PRIM2: variants seen among roughly 807,000 people sequenced by gnomAD.
PRIM2 encodes DNA primase subunit 2.
PRIM2 carries 39 observed loss-of-function variants against 67.3 expected under a neutral mutation model. That is an observed-to-expected ratio of 0.58 (90% CI 0.45 to 0.76). PRIM2 has a LOEUF of 0.76. PRIM2 is among the 30% of genes least tolerant of loss of function. The pLI is 0.00. For synonymous variants in PRIM2, 143 were observed against 198.7 expected, an observed-to-expected ratio of 0.72 and a Z score of 2.36; for missense variants, 398 against 598.7, an observed-to-expected ratio of 0.66 and a Z score of 3.50.
At chr6:57,499,234 C>T (rs1554346622) in intron 7 of PRIM2, among the ~76,000 whole-genome samples, 2 of 152,236 alleles carry the variant, frequency 1.3e-5, no homozygotes, top group Non-Finnish European at 2.9e-5. Flanking sequence ...AAGAATGGCA[C>T]ATGCCCGACA....
chr6:57,324,499 A>G (rs1017028182), intron 4 of PRIM2, among the ~76,000 whole-genome samples: 8 of 152,314 alleles, frequency 5.3e-5, no homozygotes, highest in African/African-American at 1.9e-4. Flanking sequence ...CTGATGAAAC[A>G]CTTCTTAAGT....
chr6:57,280,730 A>C, the PRIM2 span, among the ~76,000 whole-genome samples: 1 of 152,036 alleles, frequency 6.6e-6, no homozygotes, highest in Non-Finnish European at 1.5e-5. Context: ...GCTGGTCTCG[A>C]ACTCCTGACC....
intron 5 of PRIM2, among the ~76,000 whole-genome samples, chr6:57,367,028 C>T (rs1769384170): frequency 6.6e-6 from 1 of 150,976 alleles, no homozygotes; most frequent in South Asian, 2.1e-4. Flanking sequence ...TACTATATTC[C>T]AAATGTGCCT....
At chr6:57,507,835 T>G (rs1278898482) in intron 8 of PRIM2, among the ~76,000 whole-genome samples, 1 of 136,730 alleles carries the variant, frequency 7.3e-6, no homozygotes, top group African/African-American at 2.7e-5. Flanking sequence ...AATAATATAG[T>G]CTCATTATTT....
chr6:57,579,691 T>C (rs1462872324), intron 10 of PRIM2, among the ~76,000 whole-genome samples: 2 of 152,322 alleles, frequency 1.3e-5, no homozygotes, highest in African/African-American at 4.8e-5. Flanking sequence ...AGGTATATTT[T>C]AATATGCTAT....
At chr6:57,238,956 C>T in the PRIM2 span, among the ~76,000 whole-genome samples, 14 of 152,170 alleles carry the variant, frequency 9.2e-5, no homozygotes, top group Non-Finnish European at 1.9e-4. Context: ...TCTCTATATC[C>T]CACAATGTAT....
chr6:57,589,676 G>A (rs1271108066), intron 10 of PRIM2, among the ~76,000 whole-genome samples: 1 of 152,148 alleles, frequency 6.6e-6, no homozygotes, highest in Non-Finnish European at 1.5e-5. Flanking sequence ...TTTTTAGATG[G>A]ACTAATTTAG....
intron 5 of PRIM2, among the ~76,000 whole-genome samples, chr6:57,340,772 G>C (rs369984792): frequency 6.6e-6 from 1 of 152,000 alleles, no homozygotes; most frequent in East Asian, 1.9e-4. Context: ...CGAGTTAGTG[G>C]GTGCAGCACA....
At chr6:57,365,023 C>T (rs1769312666) in intron 5 of PRIM2, among the ~76,000 whole-genome samples, 1 of 152,056 alleles carries the variant, frequency 6.6e-6, no homozygotes. Context: ...GCAAATTGTT[C>T]CCCTCTCCCC....
chr6:57,224,471 C>T, the PRIM2 span, among the ~76,000 whole-genome samples: 2 of 151,996 alleles, frequency 1.3e-5, no homozygotes, highest in East Asian at 1.9e-4. Context: ...TGTTTTATGT[C>T]TACAGTTCTA....
rs1345483507 is a variant in PRIM2 at position 57,603,018 on chromosome 6, A to AT, written c.1147+1800dup. Among the ~76,000 whole-genome samples, 254 of 152,262 alleles carry AT rather than the reference A, an allele frequency of 1.7e-3. 1 individual carries two copies. Among genetic ancestry groups the AT allele is most frequent in the Admixed American group, 3.2e-3 (49 of 15,296 alleles). ...GAACCTACATTGACAAATCCTTATCATCCAAAGCCCATAGTTTACAAGAGT... is the reference window on the plus strand; with the variant it reads ...GAACCTACATTGACAAATCCTTATCATTCCAAAGCCCATAGTTTACAAGAGT... On this transcript the variant is annotated intron_variant, in intron 11 of 13. Coordinates refer to ENST00000615550, the MANE Select transcript of PRIM2 (RefSeq NM_000947.5).
chr6:57,263,106 G>A, the PRIM2 span, among the ~76,000 whole-genome samples: 3 of 152,076 alleles, frequency 2.0e-5, no homozygotes, highest in South Asian at 2.1e-4. Context: ...CTATTATCAC[G>A]TAAATAGGAA....
chr6:57,564,918 T>G (rs1775707360), intron 10 of PRIM2, among the ~76,000 whole-genome samples: 1 of 152,226 alleles, frequency 6.6e-6, no homozygotes. Flanking sequence ...CAACAATGTT[T>G]AAACAAATGG....
chr6:57,284,999 A>AGTTTATT, the PRIM2 span, among the ~76,000 whole-genome samples: 353 of 152,338 alleles, frequency 2.3e-3, no homozygotes, highest in Non-Finnish European at 3.6e-3. Flanking sequence ...AAACACCTCT[A>AGTTTATT]TGCAAATAAA....
At chr6:57,639,929 A>G (rs1461045552) in intron 13 of PRIM2, among the ~76,000 whole-genome samples, 1 of 151,748 alleles carries the variant, frequency 6.6e-6, no homozygotes, top group East Asian at 1.9e-4. Flanking sequence ...GAGACACAAC[A>G]AAAAAAGAAA....
Position 57,320,534 on chromosome 6 carries a change from C to G in PRIM2, c.232C>G (p.Leu78Val). The G allele has an allele frequency of 6.2e-7, 1 of 1,607,162 alleles. No individual in the cohort carries two copies. The highest frequency in any genetic ancestry group is 1.7e-4 in the Middle Eastern group (1 of 6,046). Residue 78 changes from leucine to valine, a missense_variant, in exon 3 of 14, where the codon CTT becomes GTT. This residue lies in a region of PRIM2 where 96 missense variants were observed against 98.3 expected (regional missense o/e 0.98). Transcript: ENST00000615550. ...ATACCAGAGTAAGTTGGAGAGTGAG[C>G]TTCGGAAGCTCAAGTTTTCCTACAG... ...EQYQSKLESE[L>V]RKLKFSYREN...
At chr6:57,599,668 T>G (rs1776426055) in intron 10 of PRIM2, among the ~76,000 whole-genome samples, 1 of 152,220 alleles carries the variant, frequency 6.6e-6, no homozygotes, top group South Asian at 2.1e-4. Context: ...AGGTAAGATC[T>G]GTCTATTGGA....
chr6:57,273,640 C>T, the PRIM2 span, among the ~76,000 whole-genome samples: 1 of 152,238 alleles, frequency 6.6e-6, no homozygotes, highest in African/African-American at 2.4e-5. Context: ...CAAAGTCATT[C>T]TCCATCCAGC....
the PRIM2 span, among the ~76,000 whole-genome samples, chr6:57,260,139 G>T: frequency 5.9e-5 from 9 of 152,306 alleles, no homozygotes; most frequent in Non-Finnish European, 1.0e-4. Flanking sequence ...GAAGGGCAAA[G>T]ATATAGTATA....
Sources: allele counts gnomAD v4.1 joint callset (sites outside exome capture counted in the v4.1 genomes callset), GRCh38; gene constraint gnomAD v4.1.1; regional missense constraint gnomAD v4.1.1; transcripts MANE v1.5; gene names NCBI Gene and HGNC (gene_info 2026-07-23, HGNC 2026-07-21).